GPBP1L1: variants seen among roughly 807,000 people sequenced by gnomAD.
The protein encoded by GPBP1L1 is vasculin-like protein 1.
GPBP1L1 carries 23 observed loss-of-function variants against 52.5 expected under a neutral mutation model. The observed-to-expected ratio is 0.44, with a 90% confidence interval of 0.32 to 0.62. GPBP1L1 has a LOEUF of 0.62. Ranked by LOEUF, GPBP1L1 falls within the 20% of genes least tolerant of loss-of-function variation. The probability of loss-of-function intolerance (pLI) is 0.06; values close to 1 mark genes in which losing one functional copy is unlikely to be tolerated. For synonymous variants in GPBP1L1, 243 were observed against 203.1 expected (o/e 1.20, Z -1.67); for missense variants, 596 against 579.3 (o/e 1.03, Z -0.30).
rs1645105204 is a variant in GPBP1L1 at position 45,673,805 on chromosome 1, G to A, written c.-1098+11771C>T. ...ATCCGGGAGACAGAGGTTGCACTGA[G>A]CCAAGATCACGCCACTGCACTCCAG... On this transcript the variant is annotated intron_variant, in intron 2 of 12. Transcript: ENST00000355105. Among the ~76,000 whole-genome samples the A allele has an allele frequency of 2.0e-5, 3 of 152,310 alleles. No homozygotes were observed. In the South Asian group the frequency reaches 6.2e-4, roughly 32 times the overall value.
chr1:45,668,633 G>A (rs1645038626), intron 2 of GPBP1L1, among the ~76,000 whole-genome samples: 1 of 152,072 alleles, frequency 6.6e-6, no homozygotes, highest in African/African-American at 2.4e-5. Flanking sequence ...CTCCAGCCTG[G>A]GCAACAGAGC....
intron 2 of GPBP1L1, among the ~76,000 whole-genome samples, chr1:45,661,665 C>G (rs1391813494): frequency 1.3e-5 from 2 of 152,100 alleles, no homozygotes; most frequent in Non-Finnish European, 2.9e-5. Flanking sequence ...CTATGTTGTC[C>G]AGGCTGGTCT....
At chr1:45,680,556 T>A (rs571818665) in intron 2 of GPBP1L1, among the ~76,000 whole-genome samples, 47 of 152,218 alleles carry the variant, frequency 3.1e-4, no homozygotes, top group Middle Eastern at 3.4e-3. Flanking sequence ...ACTTTTTTTT[T>A]TTAAAAAGAA....
intron 2 of GPBP1L1, among the ~76,000 whole-genome samples, chr1:45,683,751 C>CAAA (rs55857116): frequency 1.3e-4 from 12 of 93,130 alleles, no homozygotes; most frequent in African/African-American, 2.7e-4. Flanking sequence ...TAATAAAATA[C>CAAA]AAAAAAAAAA....
At chr1:45,647,629 C>T (rs772619512) in intron 6 of GPBP1L1, among the ~76,000 whole-genome samples, 5 of 152,192 alleles carry the variant, frequency 3.3e-5, no homozygotes, top group Admixed American at 2.0e-4. Flanking sequence ...TCCCACAGCA[C>T]CCAGTTCCTC....
chr1:45,670,175 C>T (rs1037021415), intron 2 of GPBP1L1, among the ~76,000 whole-genome samples: 7 of 152,360 alleles, frequency 4.6e-5, no homozygotes, highest in African/African-American at 1.7e-4. Context: ...TATGGCCAGA[C>T]TGGAGGTTAT....
chr1:45,660,492 C>T lies in GPBP1L1; in HGVS notation c.-364G>A. ...GGGGAAAGAGCTGTATCTATGTTCA[C>T]CTCATTCAACTTCCTTGAGTTATGG... On this transcript the variant is annotated 5_prime_UTR_variant, in exon 3 of 13. In the 5' UTR this introduces an upstream ATG that the reference lacks. Coordinates refer to ENST00000355105, the MANE Select transcript of GPBP1L1 (RefSeq NM_021639.5). 1 of 980,386 alleles carries T rather than the reference C, an allele frequency of 1.0e-6. No individual in the cohort carries two copies. The highest frequency in any genetic ancestry group is 1.2e-6 in the Non-Finnish European group (1 of 825,392). 60.7% of individuals were successfully genotyped at this position (980,386 alleles called of 1,614,324 possible).
intron 12 of GPBP1L1, among the ~76,000 whole-genome samples, chr1:45,628,863 C>A (rs1386291773): frequency 1.3e-5 from 2 of 152,176 alleles, no homozygotes; most frequent in South Asian, 2.1e-4. Context: ...GGGGCTTCAC[C>A]ATATTGGCCA....
intron 2 of GPBP1L1, among the ~76,000 whole-genome samples, chr1:45,672,449 T>C (rs1262121202): frequency 6.6e-6 from 1 of 152,196 alleles, no homozygotes; most frequent in Non-Finnish European, 1.5e-5. Flanking sequence ...ATAAATTATA[T>C]CCAGCAACCT....
chr1:45,635,202 A>G (rs1484149889), intron 8 of GPBP1L1: 6 of 152,228 alleles, frequency 3.9e-5, no homozygotes, highest in African/African-American at 1.4e-4. Context: ...GACACTGACA[A>G]TAAGGAAGTT....
chr1:45,639,784 G>A (rs1644646879), intron 8 of GPBP1L1, among the ~76,000 whole-genome samples: 1 of 152,206 alleles, frequency 6.6e-6, no homozygotes, highest in East Asian at 1.9e-4. Context: ...GGGAGGCTGA[G>A]GAAGAATGGT....
At chr1:45,682,269 A>G (rs1054156298) in intron 2 of GPBP1L1, among the ~76,000 whole-genome samples, 1 of 152,210 alleles carries the variant, frequency 6.6e-6, no homozygotes, top group African/African-American at 2.4e-5. Flanking sequence ...TATATACCAA[A>G]CTTTTAAACT....
chr1:45,654,345 T>G, intron 6 of GPBP1L1, 198 bp downstream of exon 6: 1 of 454,658 alleles, frequency 2.2e-6, no homozygotes, highest in East Asian at 3.4e-5. Flanking sequence ...GATGAAAAAT[T>G]TGCTACAAGT....
chr1:45,677,043 T>TAA (rs747871722), intron 2 of GPBP1L1, among the ~76,000 whole-genome samples: 5 of 138,826 alleles, frequency 3.6e-5, no homozygotes, highest in Non-Finnish European at 7.9e-5. Flanking sequence ...AAAACAAAGC[T>TAA]AAAAAAAAAA....
At chr1:45,643,513 G>T (rs894051356) in intron 6 of GPBP1L1, among the ~76,000 whole-genome samples, 2 of 152,018 alleles carry the variant, frequency 1.3e-5, no homozygotes, top group African/African-American at 4.8e-5. Context: ...AGTCCGGGAG[G>T]GTAATAAAGG....
At chr1:45,637,174 C>T (rs573933236) in intron 8 of GPBP1L1, among the ~76,000 whole-genome samples, 12 of 152,258 alleles carry the variant, frequency 7.9e-5, no homozygotes, top group East Asian at 5.8e-4. Flanking sequence ...AAACTCTTTG[C>T]GATTACAGGC....
At chr1:45,636,895 T>G (rs1194476031) in intron 8 of GPBP1L1, among the ~76,000 whole-genome samples, 1 of 152,228 alleles carries the variant, frequency 6.6e-6, no homozygotes, top group Non-Finnish European at 1.5e-5. Context: ...GCCCTGGTTT[T>G]GAAGTCAGAC....
chr1:45,663,050 C>CAAAAAAAAAA lies in GPBP1L1; in HGVS notation c.-1097-1835_-1097-1826dup, dbSNP rs66502921. 7.6e-3 allele frequency among the ~76,000 whole-genome samples: 887 copies of CAAAAAAAAAA among 117,004 alleles called. 29 individuals carry two copies. Among genetic ancestry groups the CAAAAAAAAAA allele is most frequent in the African/African-American group, 0.019 (575 of 31,012 alleles). The allele number at this position is 117,004 out of a possible 152,430, so 76.8% of individuals were successfully genotyped here. On this transcript the variant is annotated intron_variant, in intron 2 of 12. Coordinates refer to ENST00000355105, the MANE Select transcript of GPBP1L1 (RefSeq NM_021639.5). Reference sequence around the variant, plus strand: ...TGGGTGACAGAGCCAGACTCTGTCTCAAAAAAAAAAAAAAGCAAAAAACCC... The same window carrying CAAAAAAAAAA: ...TGGGTGACAGAGCCAGACTCTGTCTCAAAAAAAAAAAAAAAAAAAAAAAAGCAAAAAACCC...
chr1:45,629,453 A>ATCCC, intron 12 of GPBP1L1, 123 bp downstream of exon 12: 4 of 93,614 alleles, frequency 4.3e-5, no homozygotes, highest in East Asian at 2.6e-4. Flanking sequence ...TACTAAGGTA[A>ATCCC]TCCCCCCCCC....
Sources: allele counts gnomAD v4.1 joint callset (sites outside exome capture counted in the v4.1 genomes callset), GRCh38; gene constraint gnomAD v4.1.1; transcripts MANE v1.5; gene names NCBI Gene and HGNC (gene_info 2026-07-23, HGNC 2026-07-21).